The following RPS6KC1 variants were observed in gnomAD, a reference collection of about 807,000 sequenced individuals.
RPS6KC1 encodes ribosomal protein S6 kinase C1, also known as inactive ribosomal protein S6 kinase delta-1.
RPS6KC1 carries 54 observed loss-of-function variants against 103.8 expected under a neutral mutation model. The ratio of observed to expected loss-of-function variants is 0.52; its 90% CI spans 0.42 to 0.65. The LOEUF (loss-of-function observed/expected upper bound fraction) is 0.65, where lower values mean the gene tolerates loss of function less well. Among genes scored for constraint, RPS6KC1 ranks in the 30% least tolerant of loss-of-function variants. RPS6KC1 has a pLI of 0.00. For synonymous variants in RPS6KC1, 439 were observed against 438.7 expected (o/e 1.00, Z -0.01); for missense variants, 1,151 against 1,253.8 (o/e 0.92, Z 1.24).
the RPS6KC1 span, among the ~76,000 whole-genome samples, chr1:213,710,644 G>A: frequency 1.2e-4 from 18 of 152,152 alleles, no homozygotes; most frequent in Non-Finnish European, 2.5e-4. Flanking sequence ...TTTTTGCAGT[G>A]GCTGGTACCG....
At chr1:213,411,698 G>A in the RPS6KC1 span, among the ~76,000 whole-genome samples, 1 of 152,174 alleles carries the variant, frequency 6.6e-6, no homozygotes. Context: ...GGACAGTGCT[G>A]TGGGCTATCA....
chr1:213,260,646 GT>G (rs1283483993), intron 12 of RPS6KC1, among the ~76,000 whole-genome samples: 209 of 136,984 alleles, frequency 1.5e-3, no homozygotes, highest in Middle Eastern at 4.1e-3. Flanking sequence ...AAATAGTAGG[GT>G]TTTTTTTTTT....
At chr1:213,053,678 G>T (rs2077117435) in intron 1 of RPS6KC1, among the ~76,000 whole-genome samples, 1 of 152,096 alleles carries the variant, frequency 6.6e-6, no homozygotes, top group Non-Finnish European at 1.5e-5. Context: ...AAGAGGGGAA[G>T]AATCCAGAAA....
the RPS6KC1 span, among the ~76,000 whole-genome samples, chr1:213,668,293 T>A: frequency 6.6e-6 from 1 of 151,046 alleles, no homozygotes; most frequent in Non-Finnish European, 1.5e-5. Context: ...GCAGAATGTT[T>A]TAGCAGGCAT....
the RPS6KC1 span, among the ~76,000 whole-genome samples, chr1:213,540,906 A>G: frequency 6.6e-6 from 1 of 152,018 alleles, no homozygotes; most frequent in Non-Finnish European, 1.5e-5. Flanking sequence ...ATCTCAAGAA[A>G]TCCTTTCTTT....
chr1:213,096,104 A>G (rs1356604866), intron 3 of RPS6KC1, among the ~76,000 whole-genome samples: 1 of 152,220 alleles, frequency 6.6e-6, no homozygotes, highest in Non-Finnish European at 1.5e-5. Flanking sequence ...TGCTTTATCA[A>G]CTAAGTGTAT....
chr1:213,088,891 G>T (rs529793348), intron 3 of RPS6KC1, among the ~76,000 whole-genome samples: 2 of 152,246 alleles, frequency 1.3e-5, no homozygotes, highest in African/African-American at 4.8e-5. Context: ...TGCTTCCTCA[G>T]TACGTTTTAC....
At chr1:213,711,309 A>C in the RPS6KC1 span, among the ~76,000 whole-genome samples, 1 of 152,056 alleles carries the variant, frequency 6.6e-6, no homozygotes, top group South Asian at 2.1e-4. Flanking sequence ...TCAGCTATTG[A>C]TACTTGTGTA....
At chr1:213,737,954 AC>A in the RPS6KC1 span, among the ~76,000 whole-genome samples, 15 of 152,158 alleles carry the variant, frequency 9.9e-5, no homozygotes, top group Admixed American at 2.0e-4. Context: ...TGCCTCATTA[AC>A]CCCAAACTGA....
chr1:213,651,338 G>T, the RPS6KC1 span, among the ~76,000 whole-genome samples: 1 of 152,154 alleles, frequency 6.6e-6, no homozygotes, highest in East Asian at 1.9e-4. Context: ...TCCCTAGAAA[G>T]CCCCATGGAG....
At chr1:213,428,803 A>G in the RPS6KC1 span, 1 of 152,564 alleles carries the variant, frequency 6.6e-6, no homozygotes, top group Non-Finnish European at 1.5e-5. Flanking sequence ...TCTTCGTTAT[A>G]TTTTCTGGAC....
chr1:213,702,846 G>GGTTT, the RPS6KC1 span, among the ~76,000 whole-genome samples: 1 of 128,760 alleles, frequency 7.8e-6, no homozygotes. Flanking sequence ...GATCATTGAG[G>GGTTT]TTTTTTTTGT....
At chr1:213,483,808 T>C in the RPS6KC1 span, among the ~76,000 whole-genome samples, 3 of 152,216 alleles carry the variant, frequency 2.0e-5, no homozygotes, top group East Asian at 3.9e-4. Flanking sequence ...CAAAGTCCCA[T>C]AGGGAAGCTA....
At chr1:213,286,381 AAC>A in the RPS6KC1 span, among the ~76,000 whole-genome samples, 3 of 152,218 alleles carry the variant, frequency 2.0e-5, no homozygotes, top group South Asian at 4.1e-4. Context: ...TTTATAAGAT[AAC>A]ACAGAAACTA....
At chr1:213,215,860 A>C (rs2093644636) in intron 8 of RPS6KC1, among the ~76,000 whole-genome samples, 1 of 152,196 alleles carries the variant, frequency 6.6e-6, no homozygotes, top group Non-Finnish European at 1.5e-5. Context: ...GCCTGCCCTA[A>C]AAGAGCTCCT....
the RPS6KC1 span, among the ~76,000 whole-genome samples, chr1:213,317,242 C>T: frequency 1.3e-5 from 2 of 152,194 alleles, no homozygotes; most frequent in African/African-American, 4.8e-5. Flanking sequence ...TTTCTCCTTT[C>T]CCTAGCTCTA....
At chr1:213,512,353 G>C in the RPS6KC1 span, among the ~76,000 whole-genome samples, 1 of 152,172 alleles carries the variant, frequency 6.6e-6, no homozygotes, top group East Asian at 1.9e-4. Flanking sequence ...GCCTCCACAC[G>C]TGGAGCCAGA....
chr1:213,746,727 G>A, the RPS6KC1 span, among the ~76,000 whole-genome samples: 1 of 152,180 alleles, frequency 6.6e-6, no homozygotes, highest in African/African-American at 2.4e-5. Flanking sequence ...GCAGCAGAGT[G>A]GAGGCGGTGA....
the RPS6KC1 span, among the ~76,000 whole-genome samples, chr1:213,537,622 C>T: frequency 6.6e-6 from 1 of 152,082 alleles, no homozygotes; most frequent in African/African-American, 2.4e-5. Flanking sequence ...GAGCTAGAGT[C>T]CCAAGTGAGC....
Sources: gnomAD v4.1 joint callset for allele counts (sites outside exome capture counted in the v4.1 genomes callset) on GRCh38, gnomAD v4.1.1 for gene constraint, MANE v1.5 for transcripts, NCBI Gene and HGNC (gene_info 2026-07-23, HGNC 2026-07-21) for gene names.